The following LAMA1 variants were observed in gnomAD, a reference collection of about 807,000 sequenced individuals.
LAMA1 encodes the protein laminin subunit alpha 1.
Under a neutral mutation model 348.7 loss-of-function variants are expected in LAMA1, and 219 were observed. That is an observed-to-expected ratio of 0.63 (90% CI 0.56 to 0.70). LAMA1 has a LOEUF of 0.70. LAMA1 is among the 30% of genes least tolerant of loss of function. The pLI is 0.00. For missense variants in LAMA1, 3,744 were observed against 3,888.0 expected, an observed-to-expected ratio of 0.96 and a Z score of 0.99; for synonymous variants, 1,487 against 1,491.0, an observed-to-expected ratio of 1.00 and a Z score of 0.06.
chr18:7,009,253 TC>T lies in LAMA1; in HGVS notation c.3986del (p.Gly1329AspfsTer31). On this transcript the variant is annotated frameshift_variant, in exon 27 of 63. Coordinates refer to ENST00000389658, the MANE Select transcript of LAMA1 (RefSeq NM_005559.4). LOFTEE classifies it high-confidence loss of function. ...GCTCCAAGTACCTGCTCTGCTGTAA[TC>T]CTTGACCATACGATGCCTTGATGAG... ...YILIKASYGQ[G>X]LQQSRISDIS... 6.2e-7 allele frequency: 1 copy of T among 1,614,140 alleles called. No individual in the cohort carries two copies.
chr18:6,972,098 G>A (rs1422604960), intron 47 of LAMA1, 117 bp from the exon 48 acceptor site: 3 of 1,254,828 alleles, frequency 2.4e-6, no homozygotes, highest in African/African-American at 1.5e-5. Context: ...CAAATTTTGA[G>A]AGAGCCACAT....
At chr18:7,074,313 A>G (rs1330598578) in intron 3 of LAMA1, among the ~76,000 whole-genome samples, 1 of 152,204 alleles carries the variant, frequency 6.6e-6, no homozygotes, top group South Asian at 2.1e-4. Context: ...TCCCTATTGA[A>G]TAATGACGAT....
chr18:6,982,459 C>T (rs756721359), intron 41 of LAMA1, 38 bp downstream of exon 41: 1 of 1,546,540 alleles, frequency 6.5e-7, no homozygotes, highest in Non-Finnish European at 8.9e-7. Context: ...CGCTCACGCT[C>T]ACTCTGCCTG....
intron 1 of LAMA1, among the ~76,000 whole-genome samples, chr18:7,101,713 G>A (rs2058291841): frequency 6.6e-6 from 1 of 152,114 alleles, no homozygotes; most frequent in Non-Finnish European, 1.5e-5. Context: ...TGTGGCTCAG[G>A]CTAGAATATA....
intron 55 of LAMA1, among the ~76,000 whole-genome samples, chr18:6,957,927 C>T (rs1291731798): frequency 1.3e-5 from 2 of 152,076 alleles, no homozygotes; most frequent in Non-Finnish European, 2.9e-5. Context: ...ATTACAGGTG[C>T]CTGCCACCAC....
chr18:7,039,992 C>T, intron 10 of LAMA1, 84 bp downstream of exon 10: 2 of 1,504,392 alleles, frequency 1.3e-6, no homozygotes, highest in Non-Finnish European at 1.8e-6. Context: ...TGCTCAAGAA[C>T]TGATCATTGG....
chr18:7,113,083 G>C (rs1000078969), intron 1 of LAMA1, among the ~76,000 whole-genome samples: 1 of 152,196 alleles, frequency 6.6e-6, no homozygotes, highest in African/African-American at 2.4e-5. Context: ...TGACAAGGCC[G>C]AGAGAGAAGG....
At position 7,050,943 on chromosome 18, in the gene LAMA1, C is replaced by T. The variant is rs2058060384; in HGVS notation, c.346-7G>A. 1 of 1,613,756 alleles carries T rather than the reference C, an allele frequency of 6.2e-7. No individual in the cohort carries two copies. The highest frequency in any genetic ancestry group is 1.1e-5 in the South Asian group (1 of 91,054). On this transcript the variant is annotated splice_polypyrimidine_tract_variant and splice_region_variant and intron_variant, in intron 3 of 62. Transcript: ENST00000389658. Reference sequence around the variant, plus strand: ...CATATGCAACTTGAAAGACCTGAAACAAAGACACTGAAAAGTCTCAATCCA... The same window carrying T: ...CATATGCAACTTGAAAGACCTGAAATAAAGACACTGAAAAGTCTCAATCCA...
chr18:7,034,400 G>T, intron 14 of LAMA1, 79 bp downstream of exon 14: 1 of 1,036,544 alleles, frequency 9.6e-7, no homozygotes, highest in Non-Finnish European at 1.5e-6. Flanking sequence ...AATACGTTGA[G>T]CTTTAAATAT....
intron 1 of LAMA1, among the ~76,000 whole-genome samples, chr18:7,085,505 A>G (rs578258512): frequency 5.2e-4 from 68 of 130,942 alleles, no homozygotes; most frequent in East Asian, 9.0e-4. Context: ...TGCAAGCTCC[A>G]CCTCCCGGGT....
intron 1 of LAMA1, among the ~76,000 whole-genome samples, chr18:7,083,376 G>GTCTCT (rs2058201398): frequency 6.6e-6 from 1 of 151,686 alleles, no homozygotes; most frequent in African/African-American, 2.4e-5. Context: ...AATAGAGACG[G>GTCTCT]AGTTTCACCA....
At chr18:7,026,403 C>T (rs1197870517) in intron 16 of LAMA1, among the ~76,000 whole-genome samples, 3 of 152,148 alleles carry the variant, frequency 2.0e-5, no homozygotes, top group Admixed American at 6.5e-5. Flanking sequence ...CAGAACCTTC[C>T]GACTGCTACC....
intron 1 of LAMA1, among the ~76,000 whole-genome samples, chr18:7,092,940 C>T (rs551431226): frequency 6.6e-6 from 1 of 152,286 alleles, no homozygotes; most frequent in Non-Finnish European, 1.5e-5. Context: ...ATTCACCGCA[C>T]AGGTGCAATC....
chr18:7,081,119 G>C (rs2058191739), intron 1 of LAMA1, among the ~76,000 whole-genome samples: 1 of 151,990 alleles, frequency 6.6e-6, no homozygotes, highest in Non-Finnish European at 1.5e-5. Context: ...TTGTGCCACT[G>C]CACTCCAGCC....
At chr18:7,003,478 T>C (rs1337339507) in intron 29 of LAMA1, among the ~76,000 whole-genome samples, 1 of 152,160 alleles carries the variant, frequency 6.6e-6, no homozygotes, top group East Asian at 1.9e-4. Context: ...CAGGATGGTC[T>C]CGATCTCCTG....
chr18:7,046,068 A>T (rs1443786942), intron 6 of LAMA1, among the ~76,000 whole-genome samples: 1 of 152,204 alleles, frequency 6.6e-6, no homozygotes, highest in Non-Finnish European at 1.5e-5. Context: ...CACATAAAAA[A>T]ATCATTGTAA....
intron 3 of LAMA1, among the ~76,000 whole-genome samples, chr18:7,058,318 A>G (rs942876152): frequency 2.6e-5 from 4 of 152,170 alleles, no homozygotes; most frequent in African/African-American, 9.7e-5. Context: ...ACAATCTCTC[A>G]ATAGTCCTCA....
chr18:7,067,704 C>T (rs57643469), intron 3 of LAMA1, among the ~76,000 whole-genome samples: 3,678 of 152,162 alleles, frequency 0.024, 162 homozygotes, highest in African/African-American at 0.083. Context: ...AAAAGAAAAA[C>T]GAGAGGAAAT....
intron 1 of LAMA1, among the ~76,000 whole-genome samples, chr18:7,086,346 A>T (rs995010175): frequency 1.1e-4 from 17 of 152,262 alleles, no homozygotes; most frequent in Non-Finnish European, 1.0e-4. Flanking sequence ...AAGGGCATGC[A>T]TTCAGACAGG....
Sources: gnomAD v4.1 joint callset for allele counts (sites outside exome capture counted in the v4.1 genomes callset) on GRCh38, gnomAD v4.1.1 for gene constraint, MANE v1.5 for transcripts, NCBI Gene and HGNC (gene_info 2026-07-23, HGNC 2026-07-21) for gene names.